MAGED1: variants seen among roughly 807,000 people sequenced by gnomAD.
The protein encoded by MAGED1 is MAGE family member D1.
In MAGED1, 3 loss-of-function variants were observed where a neutral mutation model predicts 54.1. The observed-to-expected ratio is 0.06, with a 90% CI of 0.03 to 0.14. MAGED1 has a LOEUF of 0.14. Among genes scored for constraint, MAGED1 ranks in the 10% least tolerant of loss-of-function variants. MAGED1 has a pLI of 1.00. For missense variants in MAGED1, 485 were observed against 623.4 expected (o/e 0.78, Z 2.36); for synonymous variants, 217 against 227.3 (o/e 0.95, Z 0.41).
intron 1 of MAGED1, among the ~76,000 whole-genome samples, chrX:51,865,978 G>A (rs1183416669): frequency 1.8e-5 from 2 of 111,954 alleles, no homozygotes; most frequent in African/African-American, 6.5e-5. Flanking sequence ...CCATGATTGT[G>A]AGTTTCCTGA....
At chrX:51,885,857 G>T (rs921949276) in intron 1 of MAGED1, among the ~76,000 whole-genome samples, 4 of 110,387 alleles carry the variant, frequency 3.6e-5, no homozygotes, top group Admixed American at 1.9e-4. Flanking sequence ...TCACAATGCC[G>T]AGATAGGGAA....
intron 1 of MAGED1, among the ~76,000 whole-genome samples, chrX:51,806,881 G>A (rs782729427): frequency 1.8e-5 from 2 of 109,961 alleles, no homozygotes; most frequent in Admixed American, 9.7e-5. Flanking sequence ...TTCGCCTCCC[G>A]GGTTCAAGTG....
At chrX:51,808,045 G>A (rs971015169) in intron 1 of MAGED1, among the ~76,000 whole-genome samples, 31 of 111,750 alleles carry the variant, frequency 2.8e-4, no homozygotes, top group African/African-American at 1.0e-3. Flanking sequence ...CCTAATATTA[G>A]CATTACTTTG....
At chrX:51,871,588 C>A (rs1557361590) in intron 1 of MAGED1, among the ~76,000 whole-genome samples, 1 of 107,028 alleles carries the variant, frequency 9.3e-6, no homozygotes, top group Non-Finnish European at 1.9e-5. Flanking sequence ...CATGTCCCTA[C>A]AAAGGACATG....
At chrX:51,821,689 C>T (rs782324659) in intron 1 of MAGED1, among the ~76,000 whole-genome samples, 2 of 111,847 alleles carry the variant, frequency 1.8e-5, no homozygotes, top group South Asian at 3.8e-4. Context: ...TGTGCCTGGG[C>T]CTGATCTTTA....
intron 1 of MAGED1, among the ~76,000 whole-genome samples, chrX:51,893,994 A>G (rs1557363826): frequency 9.1e-6 from 1 of 109,404 alleles, no homozygotes; most frequent in Non-Finnish European, 1.9e-5. Flanking sequence ...CAAAACCTCC[A>G]TGCAACTTCC....
chrX:51,878,105 A>G (rs1300889036), intron 1 of MAGED1, among the ~76,000 whole-genome samples: 2 of 111,680 alleles, frequency 1.8e-5, no homozygotes, highest in East Asian at 2.8e-4. Flanking sequence ...CTATGTCACA[A>G]GATACCAGAA....
intron 1 of MAGED1, among the ~76,000 whole-genome samples, chrX:51,814,429 A>G (rs1036637197): frequency 4.5e-5 from 5 of 111,867 alleles, no homozygotes; most frequent in Admixed American, 2.8e-4. Context: ...TCAAACCCAT[A>G]AAGCTCCTAG....
At chrX:51,858,370 G>A (rs1927162805) in intron 1 of MAGED1, among the ~76,000 whole-genome samples, 2 of 111,922 alleles carry the variant, frequency 1.8e-5, no homozygotes, top group South Asian at 7.4e-4. Context: ...CAGAAATCAG[G>A]ATTCACTCTT....
chrX:51,898,032 T>A, intron 7 of MAGED1, 82 bp from the exon 8 acceptor site: 4 of 952,186 alleles, frequency 4.2e-6, no homozygotes, highest in Non-Finnish European at 6.0e-6. Flanking sequence ...CTGAGGAATA[T>A]TGGGGAGGCT....
intron 1 of MAGED1, among the ~76,000 whole-genome samples, chrX:51,861,287 G>A (rs1471493031): frequency 9.0e-6 from 1 of 110,787 alleles, no homozygotes; most frequent in Non-Finnish European, 1.9e-5. Context: ...CCTATGTATG[G>A]CTTAAAAAAG....
At chrX:51,894,413 CTT>C (rs1466341860) in intron 2 of MAGED1, 64 bp downstream of exon 2, 1 of 1,047,692 alleles carries the variant, frequency 9.5e-7, no homozygotes, top group African/African-American at 1.9e-5. Flanking sequence ...CCGCGGGCCT[CTT>C]TGGTCTCCCA....
intron 1 of MAGED1, among the ~76,000 whole-genome samples, chrX:51,849,333 C>T (rs1255465263): frequency 9.1e-6 from 1 of 110,423 alleles, no homozygotes; most frequent in African/African-American, 3.3e-5. Flanking sequence ...TAGGGAAAGG[C>T]CTCTTATTCC....
chrX:51,845,836 C>T (rs782150831), intron 1 of MAGED1, among the ~76,000 whole-genome samples: 1 of 111,425 alleles, frequency 9.0e-6, no homozygotes, highest in Non-Finnish European at 1.9e-5. Flanking sequence ...AGTGCAGTGG[C>T]GTGACCATGG....
At chrX:51,833,543 TAATC>T (rs782782043) in intron 1 of MAGED1, among the ~76,000 whole-genome samples, 69 of 111,966 alleles carry the variant, frequency 6.2e-4, no homozygotes, top group Admixed American at 8.5e-4. Flanking sequence ...TGAAGATTCT[TAATC>T]TATATAGGAT....
At chrX:51,833,622 T>C (rs1926146491) in intron 1 of MAGED1, among the ~76,000 whole-genome samples, 1 of 112,196 alleles carries the variant, frequency 8.9e-6, no homozygotes, top group African/African-American at 3.2e-5. Context: ...CTACTTTTTC[T>C]CTATGGTTGT....
chrX:51,870,733 T>C (rs1417440605), intron 1 of MAGED1: 1 of 112,548 alleles, frequency 8.9e-6, no homozygotes, highest in African/African-American at 3.2e-5. Context: ...CATGAATTTA[T>C]GTGTCATCTG....
chrX:51,890,376 T>C (rs1557363318), upstream of MAGED1, among the ~76,000 whole-genome samples: 1 of 112,171 alleles, frequency 8.9e-6, no homozygotes, highest in African/African-American at 3.2e-5. Flanking sequence ...ATCCTTTCAC[T>C]GTAATAAACA....
chrX:51,815,679 G>C (rs1557355991), intron 1 of MAGED1, among the ~76,000 whole-genome samples: 1 of 109,463 alleles, frequency 9.1e-6, no homozygotes, highest in Non-Finnish European at 1.9e-5. Context: ...GTGCCACCAT[G>C]CCCGGCTAAT....
Sources: allele counts gnomAD v4.1 joint callset (sites outside exome capture counted in the v4.1 genomes callset), GRCh38; gene constraint gnomAD v4.1.1; transcripts MANE v1.5; gene names NCBI Gene and HGNC (gene_info 2026-07-23, HGNC 2026-07-21).